URB1: variants seen among roughly 807,000 people sequenced by gnomAD.
URB1 encodes the protein nucleolar pre-ribosomal-associated protein 1.
In URB1, 197 loss-of-function variants were observed where a neutral mutation model predicts 242.3. That is an observed-to-expected ratio of 0.81 (90% CI 0.72 to 0.91). URB1 has a LOEUF of 0.91. Ranked by LOEUF, URB1 falls within the 40% of genes least tolerant of loss-of-function variation. The pLI, the probability that URB1 is intolerant of heterozygous loss-of-function variation, is 0.00. For missense variants in URB1, 2,721 were observed against 2,860.5 expected (o/e 0.95, Z 1.11); for synonymous variants, 1,153 against 1,201.8 (o/e 0.96, Z 0.84).
chr21:32,347,621 T>G lies in URB1; in HGVS notation c.3203A>C (p.Gln1068Pro). 1.3e-6 allele frequency: 2 copies of G among 1,551,710 alleles called. No homozygotes were observed. The highest frequency in any genetic ancestry group is 1.7e-6 in the Non-Finnish European group (2 of 1,146,994). Residue 1068 changes from glutamine (Q) to proline (P), a missense_variant, in exon 22 of 39, where the codon CAG (glutamine) becomes CCG (proline). Physicochemically the swap from Gln to Pro is moderately conservative, Grantham distance 76. Transcript: ENST00000382751. ...TGAGTACCTGGCCAGAAGGCCCAGCTGCCCAATGTTCTGGAGGATCGGGGC... is the reference window on the plus strand; with the variant it reads ...TGAGTACCTGGCCAGAAGGCCCAGCGGCCCAATGTTCTGGAGGATCGGGGC... ...ASAPILQNIG[Q>P]LGLLARYSEA...
intron 19 of URB1, among the ~76,000 whole-genome samples, chr21:32,352,227 G>C (rs1601139851): frequency 6.6e-6 from 1 of 152,188 alleles, no homozygotes; most frequent in African/African-American, 2.4e-5. Flanking sequence ...ATCCCATTAA[G>C]AGAATGTAGT....
rs1016127701 is a variant in URB1 at position 32,341,666 on chromosome 21, G to A, written c.4258-142C>T. On this transcript the variant is annotated intron_variant, in intron 24 of 38. Transcript: ENST00000382751. ...CTGTAAAACCCATGATCAAAGGGTTGAAAAGAGGAGCGCTGGTGTCCCCTT... is the reference window on the plus strand; with the variant it reads ...CTGTAAAACCCATGATCAAAGGGTTAAAAAGAGGAGCGCTGGTGTCCCCTT... The A allele has an allele frequency of 6.8e-5, 48 of 700,936 alleles. No individual in the cohort carries two copies. The African/African-American group carries it at 7.0e-4, about 10-fold the overall frequency. The allele number at this position is 700,936 out of a possible 1,614,324, so 43.4% of individuals were successfully genotyped here. A position where few individuals can be genotyped will look rare whatever the true frequency, so the allele number is the denominator to read the frequency against.
In URB1 at chr21:32,355,364, G is replaced by A. The variant is rs188914273; in HGVS notation, c.2106+85C>T. 5.9e-5 allele frequency: 70 copies of A among 1,182,758 alleles called. No individual in the cohort carries two copies. The East Asian group carries it at 1.8e-3, about 30-fold the overall frequency. 73.3% of individuals were successfully genotyped at this position (1,182,758 alleles called of 1,614,324 possible). A position where few individuals can be genotyped will look rare whatever the true frequency, so the allele number is the denominator to read the frequency against. On this transcript the variant is annotated intron_variant, in intron 16 of 38. Transcript: ENST00000382751. Reference sequence around the variant, plus strand: ...CAGGACGAGAAGCCTTTTGGTGCTGGTGCATCAAAAATGCCTCGATGACGC... The same window carrying A: ...CAGGACGAGAAGCCTTTTGGTGCTGATGCATCAAAAATGCCTCGATGACGC...
At chr21:32,320,380 A>T (rs2032749927) in intron 35 of URB1, 151 bp downstream of exon 35, 3 of 626,256 alleles carry the variant, frequency 4.8e-6, no homozygotes, top group Non-Finnish European at 8.2e-6. Flanking sequence ...CGGGACTGCC[A>T]GGCATATGGT....
At chr21:32,357,687 G>GTA (rs2033238140) in intron 14 of URB1, 31 bp from the exon 15 acceptor site, 1 of 1,378,418 alleles carries the variant, frequency 7.3e-7, no homozygotes, top group Non-Finnish European at 9.4e-7. Context: ...CGTATTTTTA[G>GTA]TATATATAAT....
intron 22 of URB1, 26 bp from the exon 23 acceptor site, chr21:32,345,601 T>C (rs1470205592): frequency 6.6e-7 from 1 of 1,513,292 alleles, no homozygotes; most frequent in Non-Finnish European, 8.9e-7. Flanking sequence ...AAAGGAGAAG[T>C]CATCACACCC....
At position 32,322,498 on chromosome 21, in the gene URB1, A is replaced by C. The variant is rs2032779496; in HGVS notation, c.5320T>G (p.Phe1774Val). The C allele has an allele frequency of 6.4e-7, 1 of 1,552,372 alleles. No homozygotes were observed. Reference sequence around the variant, plus strand: ...CATACCTCAAAGTCGGAGCTGTAGAAGAACTGGTAGAAGCCTGGCACTTTG... The same window carrying C: ...CATACCTCAAAGTCGGAGCTGTAGACGAACTGGTAGAAGCCTGGCACTTTG... The part of the protein sequence containing the change: ...MDKVPGFYQF[F>V]YSSDFEQKTE... The change falls in exon 33 of 39, where the codon TTC becomes GTC. Residue 1774 changes from phenylalanine to valine, a missense_variant. Coordinates refer to ENST00000382751, the MANE Select transcript of URB1 (RefSeq NM_014825.3).
Position 32,322,490 on chromosome 21 carries a change from G to C in URB1, c.5328C>G (p.Ser1776Arg), listed in dbSNP as rs1358446386. 6.4e-7 allele frequency: 1 copy of C among 1,552,346 alleles called. No individual in the cohort carries two copies. Among genetic ancestry groups the C allele is most frequent in the Middle Eastern group, 1.7e-4 (1 of 5,996 alleles). Residue 1776 changes from serine (S) to arginine (R), a missense_variant, in exon 33 of 39, where the codon AGC becomes AGG. Physicochemically the swap from Ser to Arg is moderately radical, Grantham distance 110. Coordinates refer to ENST00000382751, the MANE Select transcript of URB1 (RefSeq NM_014825.3). ...KVPGFYQFFY[S>R]SDFEQKTEQK... ...TCTGGAAGCATACCTCAAAGTCGGA[G>C]CTGTAGAAGAACTGGTAGAAGCCTG...
At chr21:32,359,768 G>A in intron 14 of URB1, 28 bp downstream of exon 14, 2 of 1,525,776 alleles carry the variant, frequency 1.3e-6, no homozygotes, top group Non-Finnish European at 1.8e-6. Context: ...TAAGCTTAGG[G>A]CAGAAGACTG....
intron 22 of URB1, among the ~76,000 whole-genome samples, chr21:32,346,252 G>A (rs2033084951): frequency 6.6e-6 from 1 of 152,160 alleles, no homozygotes. Context: ...CTAGCTCCTT[G>A]CTTCCTGTAC....
In URB1 at chr21:32,392,954, G is replaced by A. The variant is rs561542255; in HGVS notation, c.-44C>T. The A allele has an allele frequency of 1.4e-6, 2 of 1,454,508 alleles. No homozygotes were observed. Among genetic ancestry groups the A allele is most frequent in the Admixed American group, 2.4e-5 (1 of 40,846 alleles). The allele number at this position is 1,454,508 out of a possible 1,614,324, so 90.1% of individuals were successfully genotyped here. ...GCGACGGAAACGACACACCTGAGGGGACCCGGCAGGAGCACTGGCACAGAC... is the reference window on the plus strand; with the variant it reads ...GCGACGGAAACGACACACCTGAGGGAACCCGGCAGGAGCACTGGCACAGAC... On this transcript the variant is annotated 5_prime_UTR_variant, in exon 1 of 39. Coordinates refer to ENST00000382751, the MANE Select transcript of URB1 (RefSeq NM_014825.3).
chr21:32,381,605 T>C (rs1451320198), intron 4 of URB1, among the ~76,000 whole-genome samples: 2 of 152,170 alleles, frequency 1.3e-5, no homozygotes, highest in African/African-American at 4.8e-5. Context: ...AATCACAAAG[T>C]GTAAAAACAT....
At chr21:32,331,455 A>G (rs893372477) in intron 30 of URB1, among the ~76,000 whole-genome samples, 1 of 152,230 alleles carries the variant, frequency 6.6e-6, no homozygotes, top group African/African-American at 2.4e-5. Flanking sequence ...ACTGAGCATC[A>G]TATGTAGAAC....
In URB1 at chr21:32,357,388, A is replaced by C. The variant is rs1271282922; in HGVS notation, c.1989+149T>G. 3.4e-6 allele frequency: 3 copies of C among 889,780 alleles called. No homozygotes were observed. The East Asian group carries it at 1.0e-4, about 31-fold the overall frequency. 55.1% of individuals were successfully genotyped at this position (889,780 alleles called of 1,614,324 possible). A position where few individuals can be genotyped will look rare whatever the true frequency, so the allele number is the denominator to read the frequency against. On this transcript the variant is annotated intron_variant, in intron 15 of 38. Coordinates refer to ENST00000382751, the MANE Select transcript of URB1 (RefSeq NM_014825.3). ...GGAATGTAGCTAAGTGTAAGACACA[A>C]TAAATTAAACTGCCATAAAACCTTC...
intron 30 of URB1, among the ~76,000 whole-genome samples, chr21:32,331,717 G>A (rs974431839): frequency 4.6e-5 from 7 of 152,188 alleles, no homozygotes; most frequent in South Asian, 4.1e-4. Flanking sequence ...AGCCAAGAGC[G>A]GCGATACTTC....
chr21:32,380,787 T>C (rs1241537786), intron 4 of URB1, among the ~76,000 whole-genome samples: 1 of 152,228 alleles, frequency 6.6e-6, no homozygotes, highest in East Asian at 1.9e-4. Flanking sequence ...GTCTTTTCCC[T>C]GCTAGTGGAA....
chr21:32,360,001 T>A (rs186670811), intron 13 of URB1, 93 bp from the exon 14 acceptor site: 28 of 1,160,344 alleles, frequency 2.4e-5, no homozygotes, highest in Non-Finnish European at 2.1e-5. Flanking sequence ...GAACTCACCA[T>A]GGAGAAAGAA....
In URB1 at chr21:32,338,825, G is replaced by A. The variant is rs146193643; in HGVS notation, c.4392C>T (p.Ser1464=). 1.6e-5 allele frequency: 25 copies of A among 1,551,714 alleles called. No homozygotes were observed. Among genetic ancestry groups the A allele is most frequent in the African/African-American group, 6.8e-5 (5 of 73,134 alleles). The part of the protein sequence containing the change: ...AVQLLYSPES[S]VRTKLIQLPV... The stretch of plus-strand genomic sequence containing the variant: ...GGAGCTGGATGAGCTTCGTGCGCAC[G>A]GAGCTTTCTGGGCTGTACAGGAGCT... Residue 1464 remains serine (S), a synonymous_variant, in exon 26 of 39, where the codon TCC becomes TCT. Coordinates refer to ENST00000382751, the MANE Select transcript of URB1 (RefSeq NM_014825.3).
chr21:32,364,810 TCATC>T (rs1394653790), intron 10 of URB1, among the ~76,000 whole-genome samples: 1 of 151,862 alleles, frequency 6.6e-6, no homozygotes, highest in African/African-American at 2.4e-5. Flanking sequence ...AAAACAAACA[TCATC>T]CAACTCCAGT....
Sources: allele counts gnomAD v4.1 joint callset (sites outside exome capture counted in the v4.1 genomes callset), GRCh38; gene constraint gnomAD v4.1.1; transcripts MANE v1.5; gene names NCBI Gene and HGNC (gene_info 2026-07-23, HGNC 2026-07-21).